Variants in PCNX1 observed in about 807,000 individuals in gnomAD.
PCNX1 encodes pecanex 1, also known as pecanex-like protein 1.
In PCNX1, 78 loss-of-function variants were observed where a neutral mutation model predicts 242.2. The observed-to-expected ratio is 0.32, with a 90% confidence interval of 0.27 to 0.39. PCNX1 has a LOEUF of 0.39. Among genes scored for constraint, PCNX1 ranks in the 10% least tolerant of loss-of-function variants. The pLI, the probability that PCNX1 is intolerant of heterozygous loss-of-function variation, is 1.00. For synonymous variants in PCNX1, 1,024 were observed against 1,032.9 expected (o/e 0.99, Z 0.17); for missense variants, 2,581 against 2,856.5 (o/e 0.90, Z 2.20).
chr14:71,077,149 A>G (rs2061738073), intron 28 of PCNX1, among the ~76,000 whole-genome samples: 1 of 152,172 alleles, frequency 6.6e-6, no homozygotes, highest in Non-Finnish European at 1.5e-5. Flanking sequence ...ACACATTAGG[A>G]TAACATGTCT....
At chr14:71,056,943 A>C (rs1595392293) in intron 25 of PCNX1, among the ~76,000 whole-genome samples, 1 of 151,964 alleles carries the variant, frequency 6.6e-6, no homozygotes, top group Admixed American at 6.6e-5. Context: ...CAAAGTGCTG[A>C]GATTCCAGGC....
chr14:70,994,396 G>GATATAGATATATAT (rs1555357280), intron 7 of PCNX1, among the ~76,000 whole-genome samples: 1 of 96,972 alleles, frequency 1.0e-5, no homozygotes, highest in Non-Finnish European at 2.2e-5. Context: ...ACAGGCTTAA[G>GATATAGATATATAT]ATATATATAT....
intron 28 of PCNX1, chr14:71,085,881 T>G (rs2061976107): frequency 4.1e-6 from 1 of 243,904 alleles, no homozygotes; most frequent in African/African-American, 2.3e-5. Context: ...TCCAAGACTC[T>G]CCTTCCACCA....
intron 1 of PCNX1, among the ~76,000 whole-genome samples, chr14:70,945,608 T>C (rs2057425076): frequency 6.6e-6 from 1 of 152,044 alleles, no homozygotes; most frequent in Non-Finnish European, 1.5e-5. Flanking sequence ...TGATCATACC[T>C]GTATTCTAAA....
At position 71,102,169 on chromosome 14, in the gene PCNX1, A is replaced by G; in HGVS notation, c.5769A>G (p.Glu1923=). The G allele has an allele frequency of 6.2e-7, 1 of 1,614,112 alleles. No individual in the cohort carries two copies. The highest frequency in any genetic ancestry group is 8.5e-7 in the Non-Finnish European group (1 of 1,179,976). The part of the protein sequence containing the change: ...LRHVMDDGTN[E]YKIIMLNRRY... ...ATGTCATGGATGATGGCACCAATGA[A>G]TATAAAATCATCATGCTCAACAGAC... Residue 1923 remains glutamate (E), a synonymous_variant, in exon 31 of 36, where the codon GAA becomes GAG. Transcript: ENST00000304743.
At chr14:70,989,427 C>G (rs975488406) in intron 7 of PCNX1, among the ~76,000 whole-genome samples, 1 of 151,622 alleles carries the variant, frequency 6.6e-6, no homozygotes, top group Non-Finnish European at 1.5e-5. Context: ...CTACTTTATT[C>G]TTAATTACAT....
intron 32 of PCNX1, 142 bp from the exon 33 acceptor site, chr14:71,105,092 GT>G (rs1330321450): frequency 1.6e-6 from 1 of 641,582 alleles, no homozygotes; most frequent in Non-Finnish European, 2.7e-6. Flanking sequence ...GAGTTTTTTT[GT>G]TCCTAATATT....
At chr14:70,930,580 T>C (rs2056760184) in intron 1 of PCNX1, among the ~76,000 whole-genome samples, 1 of 152,100 alleles carries the variant, frequency 6.6e-6, no homozygotes, top group Non-Finnish European at 1.5e-5. Context: ...AGATAATATC[T>C]ATTATTTTTA....
At chr14:70,920,769 A>G (rs2056345484) in intron 1 of PCNX1, among the ~76,000 whole-genome samples, 1 of 152,204 alleles carries the variant, frequency 6.6e-6, no homozygotes, top group Admixed American at 6.6e-5. Flanking sequence ...GAATATGACT[A>G]ATGCCTTGTG....
intron 11 of PCNX1, among the ~76,000 whole-genome samples, chr14:71,017,544 C>G (rs867993847): frequency 2.0e-5 from 3 of 151,984 alleles, no homozygotes; most frequent in Middle Eastern, 3.4e-3. Flanking sequence ...AACAAAACTT[C>G]TAGAAAAAAA....
At chr14:71,068,037 A>G (rs1446965746) in intron 26 of PCNX1, among the ~76,000 whole-genome samples, 1 of 152,066 alleles carries the variant, frequency 6.6e-6, no homozygotes, top group Non-Finnish European at 1.5e-5. Flanking sequence ...TCAAAATGTG[A>G]CTAAGTGGGT....
At chr14:70,995,564 C>T (rs1189764795) in intron 7 of PCNX1, among the ~76,000 whole-genome samples, 177 bp from the exon 8 acceptor site, 2 of 152,038 alleles carry the variant, frequency 1.3e-5, no homozygotes, top group African/African-American at 4.8e-5. Flanking sequence ...TTTGTAAGGA[C>T]CAGAAGATTT....
chr14:70,985,649 A>G (rs1183201635), intron 6 of PCNX1, among the ~76,000 whole-genome samples: 1 of 152,230 alleles, frequency 6.6e-6, no homozygotes, highest in Non-Finnish European at 1.5e-5. Flanking sequence ...TACCCTTGGA[A>G]GTATTTTATA....
At chr14:70,962,682 A>ATAAAAAT (rs147240571) in intron 3 of PCNX1, among the ~76,000 whole-genome samples, 1,858 of 152,308 alleles carry the variant, frequency 0.012, 42 homozygotes, top group African/African-American at 0.043. Context: ...TGGCCAAAAA[A>ATAAAAAT]TAAAAATAAA....
At chr14:70,924,438 C>T (rs979167888) in intron 1 of PCNX1, among the ~76,000 whole-genome samples, 1 of 152,106 alleles carries the variant, frequency 6.6e-6, no homozygotes, top group Non-Finnish European at 1.5e-5. Context: ...TGAGCCAATA[C>T]TGATACATCA....
rs375751776 is a variant in PCNX1, at chr14:70,978,622, G to A, written c.2285G>A (p.Gly762Glu). The A allele has an allele frequency of 6.2e-7, 1 of 1,613,328 alleles. No homozygotes were observed. The highest frequency in any genetic ancestry group is 8.5e-7 in the Non-Finnish European group (1 of 1,179,594). The change falls in exon 6 of 36, where the codon GGG (glycine) becomes GAG (glutamate). Residue 762 changes from glycine to glutamate, a missense_variant. Coordinates refer to ENST00000304743, the MANE Select transcript of PCNX1 (RefSeq NM_014982.3). ...SLPNQVAFPE[G>E]EEQDAVSGAA... is the part of the protein sequence containing the mutation. ...CCAAACCAGGTTGCATTTCCTGAAG[G>A]GGAAGAGCAAGATGCAGTCAGTGGA...
intron 16 of PCNX1, among the ~76,000 whole-genome samples, chr14:71,032,895 A>G (rs923295620): frequency 1.3e-5 from 2 of 152,226 alleles, no homozygotes; most frequent in African/African-American, 4.8e-5. Context: ...GCAGTCATTC[A>G]TTCAAAAAAC....
chr14:71,066,872 A>G (rs568737894), intron 26 of PCNX1, among the ~76,000 whole-genome samples: 13 of 152,112 alleles, frequency 8.5e-5, no homozygotes, highest in African/African-American at 3.1e-4. Flanking sequence ...ATAATCATAT[A>G]GTTTTTGTCA....
At chr14:70,915,684 A>G in intron 1 of PCNX1, among the ~76,000 whole-genome samples, 1 of 152,196 alleles carries the variant, frequency 6.6e-6, no homozygotes, top group Admixed American at 6.5e-5. Context: ...AGTAGGGTGA[A>G]TACTCTTGTA....
Sources: gnomAD v4.1 joint callset for allele counts (sites outside exome capture counted in the v4.1 genomes callset) on GRCh38, gnomAD v4.1.1 for gene constraint, MANE v1.5 for transcripts, NCBI Gene and HGNC (gene_info 2026-07-23, HGNC 2026-07-21) for gene names.